Variants in AFDN observed in about 807,000 individuals in gnomAD.
AFDN encodes the protein afadin.
In AFDN, 68 loss-of-function variants were observed where a neutral mutation model predicts 216.6. That is an observed-to-expected ratio of 0.31 (90% CI 0.26 to 0.38). The LOEUF (loss-of-function observed/expected upper bound fraction) is 0.38, where lower values mean the gene tolerates loss of function less well. Ranked by LOEUF, AFDN falls within the 10% of genes least tolerant of loss-of-function variation. The pLI, the probability that AFDN is intolerant of heterozygous loss-of-function variation, is 1.00. For synonymous variants in AFDN, 868 were observed against 853.7 expected (o/e 1.02, Z -0.29); for missense variants, 2,136 against 2,342.0 (o/e 0.91, Z 1.82).
At chr6:167,901,679 T>C (rs1398807043) in intron 11 of AFDN, among the ~76,000 whole-genome samples, 1 of 152,116 alleles carries the variant, frequency 6.6e-6, no homozygotes, top group Non-Finnish European at 1.5e-5. Context: ...TGTCCATAAA[T>C]AGGGCCGCCG....
intron 1 of AFDN, among the ~76,000 whole-genome samples, chr6:167,859,183 G>A: frequency 6.7e-6 from 1 of 149,568 alleles, no homozygotes. Context: ...TGAAGTATTA[G>A]GATTTAAAAA....
At chr6:167,885,224 CT>C (rs1786643342) in intron 6 of AFDN, among the ~76,000 whole-genome samples, 1 of 152,312 alleles carries the variant, frequency 6.6e-6, no homozygotes, top group East Asian at 1.9e-4. Context: ...AGCAATAAGG[CT>C]GTTTCTCTTT....
At chr6:167,901,335 A>G (rs3800524) in intron 11 of AFDN, among the ~76,000 whole-genome samples, 52,334 of 151,900 alleles carry the variant, frequency 0.34, 9,772 homozygotes, top group East Asian at 0.6. Context: ...GGCACTCTCC[A>G]ATGAGCTGGG....
At chr6:167,843,669 C>G (rs1445979638) in intron 1 of AFDN, among the ~76,000 whole-genome samples, 4 of 152,214 alleles carry the variant, frequency 2.6e-5, no homozygotes, top group African/African-American at 9.6e-5. Flanking sequence ...TGGCCCCTTG[C>G]TGGGCTTGTG....
At chr6:167,828,129 C>T (rs138568748) in intron 1 of AFDN, among the ~76,000 whole-genome samples, 2,988 of 152,228 alleles carry the variant, frequency 0.02, 56 homozygotes, top group Non-Finnish European at 0.032. Flanking sequence ...CAGACTTTAC[C>T]AGCATAAAAA....
rs11355618 is a variant in AFDN, at chr6:167,914,317, AG to A, written c.2204+6del. The A allele has an allele frequency of 0.14, 226,809 of 1,613,320 alleles. 17,078 individuals are homozygous for A. Among genetic ancestry groups the A allele is most frequent in the Middle Eastern group, 0.17 (1,001 of 6,054 alleles). On this transcript the variant is annotated splice_donor_5th_base_variant and intron_variant, in intron 17 of 33. Coordinates refer to ENST00000683244, the MANE Select transcript of AFDN (RefSeq NM_001386888.1). ...ATTTGGTTCAAATGGCATTTAAGTA[AG>A]GAACACATTTTTGAAGGCGGCACTA... is the stretch of plus-strand genomic sequence containing the variant.
In AFDN at chr6:167,875,437, G is replaced by C; in HGVS notation, c.681G>C (p.Gln227His). 1 of 1,613,938 alleles carries C rather than the reference G, an allele frequency of 6.2e-7. No homozygotes were observed. Among genetic ancestry groups the C allele is most frequent in the Non-Finnish European group, 8.5e-7 (1 of 1,179,920 alleles). The change falls in exon 5 of 34, where the codon CAG (glutamine) becomes CAC (histidine). Residue 227 changes from glutamine (Q) to histidine (H), a missense_variant. Physicochemically the swap from Gln to His is conservative, Grantham distance 24. Coordinates refer to ENST00000683244, the MANE Select transcript of AFDN (RefSeq NM_001386888.1). ...AGGTGGTTATGAAACGACGGAGGCA[G>C]CAAAAATTGGAAAAGAGAATGCAGG... ...NPEVVMKRRR[Q>H]QKLEKRMQEF...
At chr6:167,833,433 G>A (rs890223522) in intron 1 of AFDN, among the ~76,000 whole-genome samples, 2 of 152,136 alleles carry the variant, frequency 1.3e-5, no homozygotes, top group African/African-American at 4.8e-5. Context: ...GGTGCAGTGG[G>A]CTGTTCTATT....
At chr6:167,847,599 A>T (rs561600521) in intron 1 of AFDN, among the ~76,000 whole-genome samples, 1 of 152,178 alleles carries the variant, frequency 6.6e-6, no homozygotes, top group Admixed American at 6.5e-5. Flanking sequence ...GACCATGATC[A>T]TATCTAATCT....
In AFDN at chr6:167,875,437, G is replaced by A; in HGVS notation, c.681G>A (p.Gln227=). Residue 227 remains glutamine, a synonymous_variant, in exon 5 of 34, where the codon CAG becomes CAA. Coordinates refer to ENST00000683244, the MANE Select transcript of AFDN (RefSeq NM_001386888.1). The part of the protein sequence containing the change: ...NPEVVMKRRR[Q]QKLEKRMQEF... ...AGGTGGTTATGAAACGACGGAGGCA[G>A]CAAAAATTGGAAAAGAGAATGCAGG... 6.2e-7 allele frequency: 1 copy of A among 1,613,938 alleles called. No individual in the cohort carries two copies. The highest frequency in any genetic ancestry group is 8.5e-7 in the Non-Finnish European group (1 of 1,179,920).
chr6:167,857,911 T>G (rs920895110), intron 1 of AFDN, among the ~76,000 whole-genome samples: 1 of 152,204 alleles, frequency 6.6e-6, no homozygotes, highest in Non-Finnish European at 1.5e-5. Context: ...TTCTGTGTTA[T>G]GTACATGTGT....
At chr6:167,929,472 T>C (rs1793004366) in intron 23 of AFDN, among the ~76,000 whole-genome samples, 1 of 152,202 alleles carries the variant, frequency 6.6e-6, no homozygotes, top group African/African-American at 2.4e-5. Context: ...ACACTGCACC[T>C]GCAAATTTGT....
intron 30 of AFDN, among the ~76,000 whole-genome samples, chr6:167,953,493 G>T (rs962121163): frequency 2.0e-5 from 3 of 152,086 alleles, no homozygotes; most frequent in African/African-American, 7.2e-5. Context: ...AGACACTTAA[G>T]TTTCTTAAAT....
rs1007889428 is a variant in AFDN at position 167,943,020 on chromosome 6, A to T, written c.3100-109A>T. 9.9e-5 allele frequency: 71 copies of T among 715,278 alleles called. 3 individuals carry two copies. In the Admixed American group the frequency reaches 2.2e-3, roughly 22 times the overall value. The allele number at this position is 715,278 out of a possible 1,614,324, so 44.3% of individuals were successfully genotyped here. On this transcript the variant is annotated intron_variant, in intron 23 of 33. Coordinates refer to ENST00000683244, the MANE Select transcript of AFDN (RefSeq NM_001386888.1). ...AAAATGAGAACCAGGACTTTGTTGC[A>T]GTTATCTGTGTACATGTTGGGTGGT...
intron 6 of AFDN, among the ~76,000 whole-genome samples, chr6:167,881,238 AT>A (rs540045438): frequency 1.1e-3 from 166 of 152,230 alleles, no homozygotes; most frequent in Admixed American, 2.9e-3. Flanking sequence ...TATAACTTTT[AT>A]GTTTTTGCTG....
At chr6:167,830,933 CTTTTTTTTTTT>C (rs71681602) in intron 1 of AFDN, among the ~76,000 whole-genome samples, 3 of 79,336 alleles carry the variant, frequency 3.8e-5, no homozygotes, top group South Asian at 5.6e-4. Flanking sequence ...ATATTTGAAA[CTTTTTTTTTTT>C]TTTTTTTTTT....
At chr6:167,914,585 A>G (rs1186813063) in intron 17 of AFDN, 59 bp from the exon 18 acceptor site, 22 of 1,253,462 alleles carry the variant, frequency 1.8e-5, no homozygotes, top group East Asian at 4.7e-5. Context: ...ATGTGATAAC[A>G]TGTCTGACAA....
chr6:167,965,748 CG>C lies in AFDN; in HGVS notation c.4969-8del. 6.6e-7 allele frequency: 1 copy of C among 1,524,086 alleles called. No individual in the cohort carries two copies. Among genetic ancestry groups the C allele is most frequent in the Non-Finnish European group, 8.8e-7 (1 of 1,136,576 alleles). The allele number at this position is 1,524,086 out of a possible 1,614,324, so 94.4% of individuals were successfully genotyped here. On this transcript the variant is annotated splice_polypyrimidine_tract_variant and splice_region_variant and intron_variant, in intron 31 of 33. Coordinates refer to ENST00000683244, the MANE Select transcript of AFDN (RefSeq NM_001386888.1). ...TGACCTTTGCACTCTTGTCTATTCCCGCCCGCAGAGGCGACAGGAAGAAGGG... is the reference window on the plus strand; with the variant it reads ...TGACCTTTGCACTCTTGTCTATTCCCCCCGCAGAGGCGACAGGAAGAAGGG...
chr6:167,943,980 A>T lies in AFDN; in HGVS notation c.3279A>T (p.Thr1093=), dbSNP rs1341195716. 6.2e-7 allele frequency: 1 copy of T among 1,614,204 alleles called. No homozygotes were observed. Among genetic ancestry groups the T allele is most frequent in the Non-Finnish European group, 8.5e-7 (1 of 1,180,032 alleles). ...ELMTRTSSVV[T]LEVAKQGAIY... is the part of the protein sequence containing the mutation. ...TGACAAGAACAAGCTCTGTGGTGAC[A>T]CTGGAAGTAGCAAAGCAGGGTGCCA... Residue 1093 remains threonine (T), a synonymous_variant, in exon 26 of 34, where the codon ACA becomes ACT. Coordinates refer to ENST00000683244, the MANE Select transcript of AFDN (RefSeq NM_001386888.1).
Sources: gnomAD v4.1 joint callset for allele counts (sites outside exome capture counted in the v4.1 genomes callset) on GRCh38, gnomAD v4.1.1 for gene constraint, MANE v1.5 for transcripts, NCBI Gene and HGNC (gene_info 2026-07-23, HGNC 2026-07-21) for gene names.